The following NLGN1 variants were observed in gnomAD, a reference collection of about 807,000 sequenced individuals.
NLGN1 encodes neuroligin 1, also known as neuroligin-1.
NLGN1 carries 12 observed loss-of-function variants against 65.5 expected under a neutral mutation model. The ratio of observed to expected loss-of-function variants is 0.18; its 90% CI spans 0.12 to 0.30. NLGN1 has a LOEUF of 0.30. NLGN1 is among the 10% of genes least tolerant of loss of function. The probability of loss-of-function intolerance (pLI) is 1.00; values close to 1 mark genes in which losing one functional copy is unlikely to be tolerated. For synonymous variants in NLGN1, 350 were observed against 359.5 expected (o/e 0.97, Z 0.30); for missense variants, 750 against 1,007.1 (o/e 0.74, Z 3.46).
intron 4 of NLGN1, among the ~76,000 whole-genome samples, chr3:174,046,159 T>G (rs1205934884): frequency 6.6e-6 from 1 of 152,196 alleles, no homozygotes; most frequent in Non-Finnish European, 1.5e-5. Context: ...TGTAAAAAAT[T>G]GAAGCTCCAT....
rs1300622984 is a variant in NLGN1, at chr3:173,910,674, A to G, written c.646+102842A>G. 3.3e-5 allele frequency: 5 copies of G among 152,350 alleles called. No individual in the cohort carries two copies. The South Asian group carries it at 8.3e-4, about 25-fold the overall frequency. 9.4% of individuals were successfully genotyped at this position (152,350 alleles called of 1,614,324 possible). A position where few individuals can be genotyped will look rare whatever the true frequency, so the allele number is the denominator to read the frequency against. ...ATCACTAAATTTTAATAAGTAATATATAATGCTCACAGCAAATGTGTGCTT... is the reference window on the plus strand; with the variant it reads ...ATCACTAAATTTTAATAAGTAATATGTAATGCTCACAGCAAATGTGTGCTT... On this transcript the variant is annotated intron_variant, in intron 4 of 6. Coordinates refer to ENST00000457714, the Ensembl canonical transcript of NLGN1.
At chr3:173,840,362 A>G (rs1415531876) in intron 4 of NLGN1, among the ~76,000 whole-genome samples, 2 of 152,228 alleles carry the variant, frequency 1.3e-5, no homozygotes, top group African/African-American at 4.8e-5. Context: ...TGATATAAAT[A>G]TAAAGATAAC....
chr3:173,466,525 C>T (rs993198501), intron 2 of NLGN1, among the ~76,000 whole-genome samples: 1 of 152,096 alleles, frequency 6.6e-6, no homozygotes, highest in Non-Finnish European at 1.5e-5. Flanking sequence ...AGCGCTGGTA[C>T]TGGTGTGTTT....
intron 4 of NLGN1, among the ~76,000 whole-genome samples, chr3:174,247,246 A>G (rs892115392): frequency 6.6e-6 from 1 of 152,198 alleles, no homozygotes; most frequent in Admixed American, 6.5e-5. Flanking sequence ...TTTCAGTTGA[A>G]GTCAATGTAC....
intron 4 of NLGN1, among the ~76,000 whole-genome samples, chr3:173,903,949 C>G (rs1421783934): frequency 1.3e-5 from 2 of 151,834 alleles, no homozygotes; most frequent in Non-Finnish European, 2.9e-5. Context: ...TCAGAAGGCT[C>G]TTCTTTTTTT....
At chr3:173,803,094 G>A (rs1420723600) in intron 3 of NLGN1, among the ~76,000 whole-genome samples, 3 of 152,036 alleles carry the variant, frequency 2.0e-5, no homozygotes, top group African/African-American at 7.2e-5. Flanking sequence ...ACCTGCCTCA[G>A]CCTCCCACAG....
At chr3:173,731,428 A>C (rs1172330233) in intron 3 of NLGN1, among the ~76,000 whole-genome samples, 1 of 152,106 alleles carries the variant, frequency 6.6e-6, no homozygotes, top group Non-Finnish European at 1.5e-5. Context: ...AAATATTAGG[A>C]CTTTGGATCC....
At chr3:173,904,409 T>C (rs1216219499) in intron 4 of NLGN1, among the ~76,000 whole-genome samples, 1 of 152,114 alleles carries the variant, frequency 6.6e-6, no homozygotes, top group Non-Finnish European at 1.5e-5. Context: ...TGTCCTGGCT[T>C]CTCTCTTCTT....
intron 4 of NLGN1, among the ~76,000 whole-genome samples, chr3:174,157,408 T>C (rs1161029297): frequency 6.6e-6 from 1 of 151,882 alleles, no homozygotes; most frequent in Non-Finnish European, 1.5e-5. Flanking sequence ...ATAAGTATTA[T>C]AAGTCACTAT....
At chr3:173,400,213 G>A (rs1717405481) in intron 1 of NLGN1, among the ~76,000 whole-genome samples, 1 of 152,050 alleles carries the variant, frequency 6.6e-6, no homozygotes, top group Admixed American at 6.6e-5. Context: ...TTAATTATCT[G>A]TAAATGAAAT....
chr3:173,772,732 C>A (rs145316174), intron 3 of NLGN1, among the ~76,000 whole-genome samples: 1 of 152,148 alleles, frequency 6.6e-6, no homozygotes, highest in African/African-American at 2.4e-5. Flanking sequence ...AAGCCTGGAC[C>A]GGAGAATGGG....
intron 1 of NLGN1, among the ~76,000 whole-genome samples, chr3:173,433,150 C>G (rs1464111934): frequency 6.6e-6 from 1 of 152,128 alleles, no homozygotes; most frequent in Non-Finnish European, 1.5e-5. Context: ...ACCGATTGCC[C>G]TGTATTGAAC....
chr3:174,210,003 ATCTT>A (rs1736161410), intron 4 of NLGN1, among the ~76,000 whole-genome samples: 2 of 152,128 alleles, frequency 1.3e-5, no homozygotes, highest in Admixed American at 1.3e-4. Context: ...CCTTGGCATT[ATCTT>A]TCTTTCTAGG....
chr3:173,447,305 C>T (rs1055522967), intron 2 of NLGN1, among the ~76,000 whole-genome samples: 1 of 152,156 alleles, frequency 6.6e-6, no homozygotes, highest in Non-Finnish European at 1.5e-5. Flanking sequence ...TTCCCAGCAC[C>T]ATTTATTAAA....
At chr3:174,203,439 G>A (rs753693778) in intron 4 of NLGN1, among the ~76,000 whole-genome samples, 2 of 152,208 alleles carry the variant, frequency 1.3e-5, no homozygotes, top group South Asian at 2.1e-4. Flanking sequence ...GCAGTTCGAT[G>A]TGGATGAATC....
chr3:173,499,350 A>T (rs1258569339), intron 2 of NLGN1, among the ~76,000 whole-genome samples: 1 of 151,750 alleles, frequency 6.6e-6, no homozygotes, highest in Non-Finnish European at 1.5e-5. Flanking sequence ...GGTTTGTCAA[A>T]GATCAGATAG....
intron 4 of NLGN1, among the ~76,000 whole-genome samples, chr3:174,130,547 C>T (rs1294475104): frequency 5.3e-5 from 8 of 152,080 alleles, no homozygotes; most frequent in Non-Finnish European, 1.0e-4. Flanking sequence ...GCATTCATCC[C>T]TTTATTCACT....
intron 2 of NLGN1, among the ~76,000 whole-genome samples, chr3:173,581,516 G>A (rs1746395214): frequency 6.6e-6 from 1 of 151,840 alleles, no homozygotes; most frequent in Non-Finnish European, 1.5e-5. Context: ...GAGATCAAAG[G>A]AAAATACAAG....
chr3:174,252,499 AT>A (rs907574029), intron 4 of NLGN1, among the ~76,000 whole-genome samples: 5 of 151,168 alleles, frequency 3.3e-5, no homozygotes, highest in African/African-American at 1.2e-4. Flanking sequence ...TCCACAACCT[AT>A]TTTTTTTTCC....
Sources: gnomAD v4.1 joint callset for allele counts (sites outside exome capture counted in the v4.1 genomes callset) on GRCh38, gnomAD v4.1.1 for gene constraint, MANE v1.5 for transcripts, NCBI Gene and HGNC (gene_info 2026-07-23, HGNC 2026-07-21) for gene names.